COL6A6: variants seen among roughly 807,000 people sequenced by gnomAD.
The protein encoded by COL6A6 is collagen alpha-6(VI) chain.
In COL6A6, 183 loss-of-function variants were observed where a neutral mutation model predicts 208.6. The ratio of observed to expected loss-of-function variants is 0.88; its 90% CI spans 0.78 to 0.99. COL6A6 has a LOEUF of 0.99. COL6A6 is among the 50% of genes least tolerant of loss of function. COL6A6 has a pLI of 0.00. For synonymous variants in COL6A6, 973 were observed against 1,011.8 expected, an observed-to-expected ratio of 0.96 and a Z score of 0.73; for missense variants, 2,816 against 2,815.2, an observed-to-expected ratio of 1.00 and a Z score of -0.01.
intron 6 of COL6A6, 66 bp downstream of exon 6, chr3:130,568,670 C>A (rs2107915004): frequency 7.3e-7 from 1 of 1,364,194 alleles, no homozygotes; most frequent in Non-Finnish European, 9.9e-7. Flanking sequence ...GCCTCTATTT[C>A]TTGAATTTAA....
In COL6A6 at chr3:130,615,457, T is replaced by C. The variant is rs139030515; in HGVS notation, c.4815+4746T>C. On this transcript the variant is annotated intron_variant, in intron 23 of 36. Transcript: ENST00000358511. ...TTCTCTATATGTCTATTAAATCAAG[T>C]GTTCAAGTACAGGTTCTGAGTATCT... Among the ~76,000 whole-genome samples, 543 of 152,324 alleles carry C rather than the reference T, an allele frequency of 3.6e-3. 5 individuals carry two copies. Among genetic ancestry groups the C allele is most frequent in the African/African-American group, 0.012 (519 of 41,588 alleles).
Position 130,568,308 on chromosome 3 carries a change from G to A in COL6A6, c.2105G>A (p.Gly702Asp), listed in dbSNP as rs778827679. ...CACATTGGACAAACCACCCTGACTG[G>A]TAGTGCCCTGAGCTTTGTGTCTCAG... The part of the protein sequence containing the change: ...MAHIGQTTLT[G>D]SALSFVSQYF... The change falls in exon 6 of 37, where the codon GGT becomes GAT. Residue 702 changes from glycine to aspartate, a missense_variant. By Grantham distance (94) the Gly-to-Asp change is moderately conservative. Transcript: ENST00000358511. 5 of 1,613,876 alleles carry A rather than the reference G, an allele frequency of 3.1e-6. No individual in the cohort carries two copies. Among genetic ancestry groups the A allele is most frequent in the African/African-American group, 2.7e-5 (2 of 74,914 alleles).
At chr3:130,526,910 A>G (rs1234593552) in intron 1 of COL6A6, among the ~76,000 whole-genome samples, 1 of 152,252 alleles carries the variant, frequency 6.6e-6, no homozygotes, top group Non-Finnish European at 1.5e-5. Context: ...GAATGAAGGC[A>G]TGAATAAGTG....
rs752749458 is a variant in COL6A6 at position 130,608,895 on chromosome 3, G to A, written c.4690-7G>A. On this transcript the variant is annotated splice_region_variant and splice_polypyrimidine_tract_variant and intron_variant, in intron 21 of 36. Transcript: ENST00000358511. ...AGTGTTAACAGATTGATTCTTTCTC[G>A]CCACAGGGAACAGCAGGCATCCCAG... The A allele has an allele frequency of 4.3e-5, 68 of 1,599,176 alleles. No homozygotes were observed. The highest frequency in any genetic ancestry group is 4.2e-5 in the Non-Finnish European group (49 of 1,173,216).
At chr3:130,600,656 T>C (rs539558025) in intron 20 of COL6A6, among the ~76,000 whole-genome samples, 2 of 151,360 alleles carry the variant, frequency 1.3e-5, no homozygotes, top group Non-Finnish European at 2.9e-5. Flanking sequence ...CAAGTGGGAG[T>C]TGAACATTGA....
At chr3:130,602,371 G>A (rs1245728365) in intron 20 of COL6A6, among the ~76,000 whole-genome samples, 7 of 152,184 alleles carry the variant, frequency 4.6e-5, no homozygotes, top group Admixed American at 2.0e-4. Flanking sequence ...ATGGTGAATG[G>A]TCAGGAACAT....
At chr3:130,628,813 ATCTGAGACCTG>A (rs2108306064) in intron 26 of COL6A6, among the ~76,000 whole-genome samples, 3 of 68,888 alleles carry the variant, frequency 4.4e-5, no homozygotes, top group South Asian at 8.5e-4. Context: ...CTGCATTTCC[ATCTGAGACCTG>A]CAGCTGAGGG....
intron 4 of COL6A6, 106 bp downstream of exon 4, chr3:130,565,720 A>T: frequency 7.8e-7 from 1 of 1,289,366 alleles, no homozygotes; most frequent in Non-Finnish European, 1.0e-6. Flanking sequence ...GATGGGAAGG[A>T]TAAGTTCCTA....
Position 130,665,104 on chromosome 3 carries a change from C to T in COL6A6, c.6596+8C>T, listed in dbSNP as rs1559803195. 1 of 1,587,884 alleles carries T rather than the reference C, an allele frequency of 6.3e-7. No individual in the cohort carries two copies. The highest frequency in any genetic ancestry group is 8.6e-7 in the Non-Finnish European group (1 of 1,161,058). ...CCCACGACCATTCCGAAGGTACTGT[C>T]TGTTTGGTGTTACTTGATAAATGAG... On this transcript the variant is annotated splice_region_variant and intron_variant, in intron 36 of 36. Transcript: ENST00000358511.
chr3:130,667,567 A>C (rs4325901), intron 36 of COL6A6, among the ~76,000 whole-genome samples: 35,260 of 152,122 alleles, frequency 0.23, 4,333 homozygotes, highest in South Asian at 0.36. Context: ...AGTAATATAT[A>C]TTAACTTGTG....
rs1560042495 is a variant in COL6A6 at position 130,595,097 on chromosome 3, A to T, written c.4533+754A>T. On this transcript the variant is annotated intron_variant, in intron 18 of 36. Transcript: ENST00000358511. ...AGTCTCATTTCCTGTAACCCAGGCC[A>T]AGTAGAATTATATTAGGCAAAACTT... is the stretch of plus-strand genomic sequence containing the variant. Among the ~76,000 whole-genome samples, 6 of 152,184 alleles carry T rather than the reference A, an allele frequency of 3.9e-5. No individual in the cohort carries two copies. The South Asian group carries it at 1.2e-3, about 32-fold the overall frequency.
intron 1 of COL6A6, among the ~76,000 whole-genome samples, chr3:130,532,248 C>T (rs1028236007): frequency 1.3e-5 from 2 of 152,182 alleles, no homozygotes; most frequent in Non-Finnish European, 2.9e-5. Context: ...TCTTTATTCA[C>T]TCAGGGAGTA....
At chr3:130,542,984 C>T (rs2062407463) in intron 1 of COL6A6, among the ~76,000 whole-genome samples, 1 of 150,338 alleles carries the variant, frequency 6.7e-6, no homozygotes. Context: ...CGGCTCACTG[C>T]AACCTCCGCC....
rs748307662 is a variant in COL6A6, at chr3:130,649,373, T to C, written c.5544T>C (p.Phe1848=). 1 of 1,612,474 alleles carries C rather than the reference T, an allele frequency of 6.2e-7. No homozygotes were observed. The highest frequency in any genetic ancestry group is 8.5e-7 in the Non-Finnish European group (1 of 1,179,378). Residue 1848 remains phenylalanine (F), a synonymous_variant, in exon 33 of 37, where the codon TTT becomes TTC. Transcript: ENST00000358511. ...ASREIGRAMR[F]ISRNVFKRTL... is the part of the protein sequence containing the mutation. ...GGGAGATTGGCAGAGCAATGCGGTT[T>C]ATTTCCAGGAATGTCTTCAAGCGGA...
At chr3:130,527,599 GA>G (rs780208908) in intron 1 of COL6A6, among the ~76,000 whole-genome samples, 5 of 152,220 alleles carry the variant, frequency 3.3e-5, no homozygotes, top group East Asian at 3.8e-4. Context: ...CCCAAGCAAT[GA>G]TCACATCCTT....
intron 1 of COL6A6, among the ~76,000 whole-genome samples, chr3:130,555,876 G>A (rs2107825483): frequency 6.6e-6 from 1 of 152,150 alleles, no homozygotes; most frequent in East Asian, 1.9e-4. Context: ...CTTGATAGTG[G>A]TGTATTAACT....
At chr3:130,665,589 A>T (rs1288285198) in intron 36 of COL6A6, among the ~76,000 whole-genome samples, 1 of 152,222 alleles carries the variant, frequency 6.6e-6, no homozygotes, top group African/African-American at 2.4e-5. Context: ...GAGTAAGTTG[A>T]ACGTTAGAAA....
At chr3:130,654,975 G>T (rs772688651) in intron 33 of COL6A6, among the ~76,000 whole-genome samples, 63 of 152,144 alleles carry the variant, frequency 4.1e-4, no homozygotes, top group Non-Finnish European at 8.4e-4. Context: ...CCACAGGAGT[G>T]GTTGGTGGGT....
At chr3:130,653,206 T>A (rs1288045259) in intron 33 of COL6A6, among the ~76,000 whole-genome samples, 1 of 152,216 alleles carries the variant, frequency 6.6e-6, no homozygotes, top group Non-Finnish European at 1.5e-5. Context: ...CTAGGGTGAA[T>A]CTCCCTTTCC....
Sources: allele counts gnomAD v4.1 joint callset (sites outside exome capture counted in the v4.1 genomes callset), GRCh38; gene constraint gnomAD v4.1.1; transcripts MANE v1.5; gene names NCBI Gene and HGNC (gene_info 2026-07-23, HGNC 2026-07-21).